FOCAD: variants seen among roughly 807,000 people sequenced by gnomAD.
FOCAD encodes focadhesin.
In FOCAD, 198 loss-of-function variants were observed where a neutral mutation model predicts 225.6. The observed-to-expected ratio is 0.88, with a 90% confidence interval of 0.78 to 0.99. The LOEUF is 0.99. FOCAD is among the 50% of genes least tolerant of loss of function. The pLI is 0.00. For synonymous variants in FOCAD, 897 were observed against 755.0 expected, an observed-to-expected ratio of 1.19 and a Z score of -3.08; for missense variants, 2,713 against 2,123.6, an observed-to-expected ratio of 1.28 and a Z score of -5.46.
intron 1 of FOCAD, among the ~76,000 whole-genome samples, chr9:20,688,987 C>T (rs1038897337): frequency 1.3e-5 from 2 of 152,090 alleles, no homozygotes; most frequent in African/African-American, 2.4e-5. Context: ...GGAGTTGAAA[C>T]TATTGGTGAA....
chr9:20,963,973 A>G (rs1330082375), intron 35 of FOCAD, among the ~76,000 whole-genome samples: 1 of 151,784 alleles, frequency 6.6e-6, no homozygotes, highest in Non-Finnish European at 1.5e-5. Flanking sequence ...TGCTAGAGTC[A>G]GTACCTGATA....
intron 11 of FOCAD, among the ~76,000 whole-genome samples, chr9:20,796,975 C>G (rs553285518): frequency 1.3e-5 from 2 of 152,270 alleles, no homozygotes; most frequent in East Asian, 1.9e-4. Flanking sequence ...TTTAATCCAT[C>G]TAGAATTAAT....
At chr9:20,712,376 C>T (rs1172614889) in intron 1 of FOCAD, among the ~76,000 whole-genome samples, 1 of 152,066 alleles carries the variant, frequency 6.6e-6, no homozygotes, top group African/African-American at 2.4e-5. Context: ...TAAAGTTGCT[C>T]AAGCTGGGCA....
At position 20,990,188 on chromosome 9, in the gene FOCAD, TCTC is replaced by T. The variant is rs764592345; in HGVS notation, c.5077_5079del (p.Leu1693del). ...TTGCATGGGCTGACCACACTGCCCC[TCTC>T]CTCCTCGGCCTCAGTGCCAGTTGGT... On this transcript the variant is annotated inframe_deletion, in exon 42 of 44. Transcript: ENST00000338382. 1.9e-6 allele frequency: 3 copies of T among 1,614,096 alleles called. No homozygotes were observed. The African/African-American group carries it at 4.0e-5, about 22-fold the overall frequency.
intron 15 of FOCAD, among the ~76,000 whole-genome samples, chr9:20,860,981 G>A (rs1249529601): frequency 6.6e-6 from 1 of 152,052 alleles, no homozygotes; most frequent in Non-Finnish European, 1.5e-5. Context: ...CCTATAACAT[G>A]TTGTTTTTTG....
chr9:20,761,257 G>T (rs764562759), intron 6 of FOCAD, among the ~76,000 whole-genome samples: 1 of 152,036 alleles, frequency 6.6e-6, no homozygotes, highest in Non-Finnish European at 1.5e-5. Context: ...ATTTGAGAAT[G>T]GTGCAAATTG....
chr9:20,796,955 C>T (rs1324780919), intron 11 of FOCAD, among the ~76,000 whole-genome samples: 5 of 152,144 alleles, frequency 3.3e-5, no homozygotes, highest in South Asian at 2.1e-4. Flanking sequence ...TTAGGTCTAA[C>T]ATTTAAGTCT....
chr9:20,697,392 G>A (rs1401794767), intron 1 of FOCAD, among the ~76,000 whole-genome samples: 3 of 152,166 alleles, frequency 2.0e-5, no homozygotes, highest in South Asian at 4.1e-4. Context: ...ATCTCACTGA[G>A]AAACATCCAA....
chr9:20,703,007 A>C (rs1404919397), intron 1 of FOCAD, among the ~76,000 whole-genome samples: 1 of 152,100 alleles, frequency 6.6e-6, no homozygotes, highest in Non-Finnish European at 1.5e-5. Context: ...ACTCCATCTC[A>C]CAAAAAAAAC....
At chr9:20,988,883 G>A (rs1841416743) in intron 41 of FOCAD, among the ~76,000 whole-genome samples, 1 of 152,098 alleles carries the variant, frequency 6.6e-6, no homozygotes, top group African/African-American at 2.4e-5. Flanking sequence ...AGAGGTTCCT[G>A]GAGTGTATGC....
At chr9:20,960,622 A>G (rs1171100146) in intron 35 of FOCAD, among the ~76,000 whole-genome samples, 1 of 152,012 alleles carries the variant, frequency 6.6e-6, no homozygotes, top group Non-Finnish European at 1.5e-5. Context: ...TCTAGGGTAC[A>G]TGTACACAAT....
intron 40 of FOCAD, 93 bp downstream of exon 40, chr9:20,986,558 T>G (rs1841192255): frequency 1.7e-6 from 2 of 1,205,344 alleles, no homozygotes; most frequent in Non-Finnish European, 2.2e-6. Flanking sequence ...TAAAAATTAG[T>G]TTAGTGCTTA....
intron 21 of FOCAD, among the ~76,000 whole-genome samples, chr9:20,904,081 T>C (rs1832760298): frequency 6.6e-6 from 1 of 152,018 alleles, no homozygotes. Flanking sequence ...CCATAGTGTA[T>C]CAGTACTTCA....
Position 20,723,400 on chromosome 9 carries a change from A to C in FOCAD, c.287+2866A>C, listed in dbSNP as rs138824422. Among the ~76,000 whole-genome samples, 157 of 152,368 alleles carry C rather than the reference A, an allele frequency of 1.0e-3. 1 individual carries two copies. The East Asian group carries it at 0.028, about 27-fold the overall frequency. On this transcript the variant is annotated intron_variant, in intron 4 of 43. Transcript: ENST00000338382. ...CTACTCGGGAGGCTGAGGCAGGAGAATCACTCGAACCCGGGAGGCGGATCT... is the reference window on the plus strand; with the variant it reads ...CTACTCGGGAGGCTGAGGCAGGAGACTCACTCGAACCCGGGAGGCGGATCT...
chr9:20,829,771 G>T (rs1243811450), intron 15 of FOCAD, among the ~76,000 whole-genome samples: 6 of 152,064 alleles, frequency 3.9e-5, no homozygotes, highest in African/African-American at 1.4e-4. Flanking sequence ...TTGTTCACAT[G>T]TAACATTTTC....
At chr9:20,793,667 T>C (rs1383867076) in intron 11 of FOCAD, among the ~76,000 whole-genome samples, 3 of 152,180 alleles carry the variant, frequency 2.0e-5, no homozygotes, top group Non-Finnish European at 4.4e-5. Context: ...AGTCCAAAAC[T>C]GCATTCAGAA....
At chr9:20,858,131 C>G (rs1828388687) in intron 15 of FOCAD, among the ~76,000 whole-genome samples, 2 of 151,876 alleles carry the variant, frequency 1.3e-5, no homozygotes, top group East Asian at 3.9e-4. Flanking sequence ...GTATTTCCTC[C>G]TCTTCTATTT....
intron 21 of FOCAD, among the ~76,000 whole-genome samples, chr9:20,888,939 A>G (rs1160657312): frequency 6.6e-6 from 1 of 152,186 alleles, no homozygotes; most frequent in African/African-American, 2.4e-5. Flanking sequence ...AGTCTTGGGT[A>G]TGTCTTTATC....
chr9:20,780,318 T>C lies in FOCAD; in HGVS notation c.995-1409T>C, dbSNP rs1819239474. Among the ~76,000 whole-genome samples the C allele has an allele frequency of 2.0e-5, 3 of 152,242 alleles. No individual in the cohort carries two copies. In the South Asian group the frequency reaches 6.2e-4, roughly 32 times the overall value. ...ATTTTGTTTTCTGACAAAAAAATTC[T>C]AAAGCCTCAGAAAATCCACATTTCA... On this transcript the variant is annotated intron_variant, in intron 9 of 43. Coordinates refer to ENST00000338382, the MANE Select transcript of FOCAD (RefSeq NM_001375567.1).
Sources: allele counts gnomAD v4.1 joint callset (sites outside exome capture counted in the v4.1 genomes callset), GRCh38; gene constraint gnomAD v4.1.1; transcripts MANE v1.5; gene names NCBI Gene and HGNC (gene_info 2026-07-23, HGNC 2026-07-21).